The following PDZD2 variants were observed in gnomAD, a reference collection of about 807,000 sequenced individuals.
The protein encoded by PDZD2 is PDZ domain containing 2, also known as PDZ domain-containing protein 2.
A neutral mutation model predicts 220.7 loss-of-function variants in PDZD2; 90 were observed. The ratio of observed to expected loss-of-function variants is 0.41; its 90% CI spans 0.34 to 0.49. The LOEUF (loss-of-function observed/expected upper bound fraction) is 0.49, where lower values mean the gene tolerates loss of function less well. Among genes scored for constraint, PDZD2 ranks in the 20% least tolerant of loss-of-function variants. The pLI is 0.28. For synonymous variants in PDZD2, 1,375 were observed against 1,450.5 expected (o/e 0.95, Z 1.18); for missense variants, 3,174 against 3,608.5 (o/e 0.88, Z 3.08).
intron 19 of PDZD2, among the ~76,000 whole-genome samples, chr5:32,085,761 T>G (rs1175516394): frequency 1.3e-5 from 2 of 152,180 alleles, no homozygotes; most frequent in Admixed American, 6.5e-5. Context: ...TTTTGTTGTG[T>G]TGTTGTTGTT....
chr5:31,906,523 T>TA (rs1742669250), intron 2 of PDZD2, among the ~76,000 whole-genome samples: 1 of 152,050 alleles, frequency 6.6e-6, no homozygotes, highest in African/African-American at 2.4e-5. Context: ...GTTTGGTTTT[T>TA]ATCAATGATG....
intron 16 of PDZD2, among the ~76,000 whole-genome samples, chr5:32,071,830 C>T (rs1342646504): frequency 6.6e-6 from 1 of 152,168 alleles, no homozygotes; most frequent in African/African-American, 2.4e-5. Flanking sequence ...GACTGGTTGG[C>T]TTGAATCACA....
chr5:31,740,424 C>CTGAGGCA (rs1364331258), intron 1 of PDZD2, among the ~76,000 whole-genome samples: 1 of 147,186 alleles, frequency 6.8e-6, no homozygotes, highest in Admixed American at 7.1e-5. Flanking sequence ...ACTCAGGAGG[C>CTGAGGCA]TGAGGCATGA....
Position 31,910,323 on chromosome 5 carries a change from G to A in PDZD2, c.477-72832G>A, listed in dbSNP as rs535175799. ...CAACCTCTGCCTCCTAGGTTCAAGC[G>A]ATTCTCATGACTCAGCCTCCCAAGC... On this transcript the variant is annotated intron_variant, in intron 2 of 24. Coordinates refer to ENST00000438447, the MANE Select transcript of PDZD2 (RefSeq NM_178140.4). Among the ~76,000 whole-genome samples, 207 of 148,456 alleles carry A rather than the reference G, an allele frequency of 1.4e-3. No homozygotes were observed. The South Asian group carries it at 0.017, about 13-fold the overall frequency.
At chr5:31,748,298 G>A (rs1453953208) in intron 1 of PDZD2, among the ~76,000 whole-genome samples, 1 of 152,158 alleles carries the variant, frequency 6.6e-6, no homozygotes, top group Non-Finnish European at 1.5e-5. Flanking sequence ...GAGAGCGTTG[G>A]AGTCAGAAGC....
At chr5:31,968,351 G>A (rs188827869) in intron 2 of PDZD2, among the ~76,000 whole-genome samples, 4 of 151,974 alleles carry the variant, frequency 2.6e-5, no homozygotes, top group Admixed American at 2.0e-4. Flanking sequence ...GAGTGAGACT[G>A]TGTCTCAAAA....
chr5:32,096,891 A>T (rs1743765775), intron 21 of PDZD2, among the ~76,000 whole-genome samples: 1 of 126,758 alleles, frequency 7.9e-6, no homozygotes, highest in African/African-American at 3.1e-5. Context: ...GCTGAAGTGC[A>T]GTGGCGTGAT....
chr5:31,810,978 C>T (rs868040015), intron 2 of PDZD2, among the ~76,000 whole-genome samples: 1 of 152,052 alleles, frequency 6.6e-6, no homozygotes, highest in South Asian at 2.1e-4. Flanking sequence ...ATACTAGTGG[C>T]CTTTTCATTT....
chr5:31,724,784 T>C (rs190047317), intron 1 of PDZD2, among the ~76,000 whole-genome samples: 26 of 152,206 alleles, frequency 1.7e-4, no homozygotes, highest in African/African-American at 5.1e-4. Context: ...ATCTGGCCAG[T>C]CAGTGTTGTA....
chr5:31,880,333 AATT>A (rs1203130977), intron 2 of PDZD2, among the ~76,000 whole-genome samples: 1 of 152,146 alleles, frequency 6.6e-6, no homozygotes, highest in African/African-American at 2.4e-5. Context: ...CAGATGATTA[AATT>A]ATTATTCAAA....
intron 2 of PDZD2, among the ~76,000 whole-genome samples, chr5:31,916,765 C>T (rs1743722434): frequency 6.6e-6 from 1 of 152,180 alleles, no homozygotes; most frequent in Non-Finnish European, 1.5e-5. Flanking sequence ...AAGGGCATTT[C>T]ATCTAGCTAG....
intron 1 of PDZD2, among the ~76,000 whole-genome samples, chr5:31,689,175 TCTC>T (rs929112292): frequency 6.6e-6 from 1 of 151,354 alleles, no homozygotes; most frequent in Non-Finnish European, 1.5e-5. Context: ...TTCAGGCAGT[TCTC>T]CTGCCTCAGC....
intron 2 of PDZD2, among the ~76,000 whole-genome samples, chr5:31,981,025 ATCC>A (rs1750253054): frequency 6.6e-6 from 1 of 152,186 alleles, no homozygotes; most frequent in East Asian, 1.9e-4. Context: ...ACCTCAGGTT[ATCC>A]TCCTGCCTCG....
At chr5:31,753,478 T>TA (rs1406305391) in intron 1 of PDZD2, among the ~76,000 whole-genome samples, 2 of 152,220 alleles carry the variant, frequency 1.3e-5, no homozygotes, top group Admixed American at 1.3e-4. Context: ...CACGCACCTG[T>TA]AGTCTCAGCT....
intron 2 of PDZD2, among the ~76,000 whole-genome samples, chr5:31,962,759 T>A (rs1748370236): frequency 6.6e-6 from 1 of 152,174 alleles, no homozygotes; most frequent in Admixed American, 6.5e-5. Context: ...AAGGGAACAG[T>A]GCCACAAGGG....
intron 23 of PDZD2, chr5:32,100,054 G>T: frequency 6.6e-6 from 1 of 152,480 alleles, no homozygotes. Context: ...TGCCGCAGTG[G>T]GGGCCAGACA....
At chr5:31,779,995 T>G (rs1432412063) in intron 1 of PDZD2, among the ~76,000 whole-genome samples, 1 of 152,172 alleles carries the variant, frequency 6.6e-6, no homozygotes, top group African/African-American at 2.4e-5. Flanking sequence ...GTCGCCAGTT[T>G]CTGGTGGCTT....
intron 2 of PDZD2, among the ~76,000 whole-genome samples, chr5:31,944,035 T>C (rs1328185510): frequency 6.6e-6 from 1 of 152,242 alleles, no homozygotes; most frequent in African/African-American, 2.4e-5. Context: ...TCAGTTAGTC[T>C]GTTTAGCAAC....
intron 2 of PDZD2, among the ~76,000 whole-genome samples, chr5:31,805,487 C>T (rs552860592): frequency 3.3e-5 from 5 of 152,250 alleles, no homozygotes; most frequent in South Asian, 2.1e-4. Context: ...AATGGTTCCT[C>T]GGTTGATGGT....
Sources: allele counts gnomAD v4.1 joint callset (sites outside exome capture counted in the v4.1 genomes callset), GRCh38; gene constraint gnomAD v4.1.1; transcripts MANE v1.5; gene names NCBI Gene and HGNC (gene_info 2026-07-23, HGNC 2026-07-21).